ARK2C: variants seen among roughly 807,000 people sequenced by gnomAD.
The protein encoded by ARK2C is arkadia (RNF111) C-terminal like ring finger ubiquitin ligase 2C.
chr18:46,435,428 G>A, the ARK2C span: 18 of 1,516,100 alleles, frequency 1.2e-5, no homozygotes, highest in Admixed American at 3.3e-5. Context: ...GGGAGGAAGG[G>A]AGGAAGGGAG....
the ARK2C span, chr18:46,447,716 C>G: frequency 6.2e-7 from 1 of 1,614,042 alleles, no homozygotes; most frequent in Non-Finnish European, 8.5e-7. Flanking sequence ...GACGGACTCC[C>G]TTGCGCCTAT....
the ARK2C span, among the ~76,000 whole-genome samples, chr18:46,400,258 G>A: frequency 6.6e-6 from 1 of 152,202 alleles, no homozygotes; most frequent in Non-Finnish European, 1.5e-5. Flanking sequence ...GGCCATGTGG[G>A]TAGGCCTGGG....
the ARK2C span, among the ~76,000 whole-genome samples, chr18:46,369,287 G>T: frequency 6.6e-6 from 1 of 152,160 alleles, no homozygotes; most frequent in African/African-American, 2.4e-5. Flanking sequence ...AGATGGGCTG[G>T]CTGAGGCAGG....
the ARK2C span, among the ~76,000 whole-genome samples, chr18:46,380,306 C>T: frequency 2.6e-5 from 4 of 152,184 alleles, no homozygotes; most frequent in East Asian, 3.9e-4. Context: ...ATGGTGCCCA[C>T]GGGGGCTGTT....
chr18:46,441,922 T>C, the ARK2C span, among the ~76,000 whole-genome samples: 1 of 149,180 alleles, frequency 6.7e-6, no homozygotes, highest in Non-Finnish European at 1.5e-5. Flanking sequence ...CCCAGCACTT[T>C]GGGAGGCCGA....
the ARK2C span, chr18:46,334,919 C>T: frequency 6.3e-6 from 1 of 159,408 alleles, no homozygotes; most frequent in Non-Finnish European, 1.4e-5. The surrounding 1 kb of genome is among the most constrained non-coding windows in gnomAD (Gnocchi z 4.4). Context: ...CACGATTTTC[C>T]ATCCCATCCT....
chr18:46,447,492 T>G, the ARK2C span: 4 of 1,569,664 alleles, frequency 2.5e-6, no homozygotes, highest in African/African-American at 1.3e-5. Flanking sequence ...ATAGGCTTGA[T>G]GTCTGAGGTC....
At chr18:46,365,508 G>T in the ARK2C span, among the ~76,000 whole-genome samples, 87 of 151,888 alleles carry the variant, frequency 5.7e-4, no homozygotes, top group African/African-American at 1.4e-3. Flanking sequence ...ATTTTTTTTT[G>T]TTGTTTTGTT....
At chr18:46,397,738 T>C in the ARK2C span, among the ~76,000 whole-genome samples, 3 of 123,824 alleles carry the variant, frequency 2.4e-5, no homozygotes, top group Non-Finnish European at 5.0e-5. Context: ...TGTGTGATCA[T>C]GCTGAGGTGT....
the ARK2C span, chr18:46,461,124 G>A: frequency 6.6e-6 from 1 of 152,262 alleles, no homozygotes; most frequent in Non-Finnish European, 1.5e-5. Flanking sequence ...TTCTTAGAAG[G>A]AGCCCTGGAC....
At chr18:46,402,343 C>T in the ARK2C span, among the ~76,000 whole-genome samples, 1 of 152,176 alleles carries the variant, frequency 6.6e-6, no homozygotes, top group Admixed American at 6.5e-5. Context: ...TTTCTCAATC[C>T]AGCTCCAATG....
chr18:46,401,049 G>T, the ARK2C span, among the ~76,000 whole-genome samples: 2 of 152,126 alleles, frequency 1.3e-5, no homozygotes, highest in African/African-American at 4.8e-5. Context: ...CTCCCCATAA[G>T]TGAGCAAGGG....
chr18:46,366,768 T>C, the ARK2C span, among the ~76,000 whole-genome samples: 28 of 152,346 alleles, frequency 1.8e-4, no homozygotes, highest in African/African-American at 6.5e-4. Context: ...ATTCTTTTAT[T>C]CATTCACATG....
At chr18:46,395,424 T>C in the ARK2C span, among the ~76,000 whole-genome samples, 2 of 152,230 alleles carry the variant, frequency 1.3e-5, no homozygotes, top group Non-Finnish European at 2.9e-5. Flanking sequence ...CCCCACTAGA[T>C]GCTAGTAGCA....
chr18:46,374,195 C>CT, the ARK2C span, among the ~76,000 whole-genome samples: 7 of 151,934 alleles, frequency 4.6e-5, no homozygotes, highest in East Asian at 1.9e-4. Flanking sequence ...GCCAGGAAGC[C>CT]TTTTTTTTCC....
chr18:46,368,196 A>C, the ARK2C span, among the ~76,000 whole-genome samples: 1 of 152,330 alleles, frequency 6.6e-6, no homozygotes. Flanking sequence ...TTCCAGGCTA[A>C]GCTTATTGGA....
At chr18:46,411,487 C>T in the ARK2C span, among the ~76,000 whole-genome samples, 3 of 152,164 alleles carry the variant, frequency 2.0e-5, no homozygotes, top group Non-Finnish European at 4.4e-5. Context: ...TCACCAAGTC[C>T]CCTTTGCTAT....
the ARK2C span, among the ~76,000 whole-genome samples, chr18:46,434,595 G>A: frequency 2.0e-5 from 3 of 152,190 alleles, no homozygotes; most frequent in Non-Finnish European, 4.4e-5. Context: ...TAGCCTTATA[G>A]TATTATTAGG....
the ARK2C span, among the ~76,000 whole-genome samples, chr18:46,351,646 G>A: frequency 6.6e-6 from 1 of 152,096 alleles, no homozygotes; most frequent in Non-Finnish European, 1.5e-5. Flanking sequence ...TCATCTCTTT[G>A]TCCTCTGATG....
Sources: gnomAD v4.1 joint callset for allele counts (sites outside exome capture counted in the v4.1 genomes callset) on GRCh38, gnomAD v4.1.1 for gene constraint, Gnocchi (gnomAD v3.1) non-coding constraint, MANE v1.5 for transcripts, NCBI Gene and HGNC (gene_info 2026-07-23, HGNC 2026-07-21) for gene names.